The following MARCHF3 variants were observed in gnomAD, a reference collection of about 807,000 sequenced individuals.
The protein encoded by MARCHF3 is E3 ubiquitin-protein ligase MARCHF3.
In MARCHF3, 13 loss-of-function variants were observed where a neutral mutation model predicts 24.2. That is an observed-to-expected ratio of 0.54 (90% CI 0.35 to 0.85). MARCHF3 has a LOEUF of 0.85. Among genes scored for constraint, MARCHF3 ranks in the 40% least tolerant of loss-of-function variants. MARCHF3 has a pLI of 0.01. For synonymous variants in MARCHF3, 144 were observed against 137.3 expected (o/e 1.05, Z -0.34); for missense variants, 276 against 325.0 (o/e 0.85, Z 1.16).
Position 126,873,506 on chromosome 5 carries a change from T to C in MARCHF3, c.604-2715A>G, listed in dbSNP as rs573017964. 3.3e-5 allele frequency among the ~76,000 whole-genome samples: 5 copies of C among 151,998 alleles called. No homozygotes were observed. In the South Asian group the frequency reaches 1.0e-3, roughly 32 times the overall value. ...TGGACCAGCAGCAGGCTGCATCACC[T>C]GGGAGCTTGTTAGAATATCAGAATT... On this transcript the variant is annotated intron_variant, in intron 4 of 4. Transcript: ENST00000308660.
chr5:126,900,051 C>G (rs867362248), intron 3 of MARCHF3, among the ~76,000 whole-genome samples: 31 of 152,216 alleles, frequency 2.0e-4, no homozygotes, highest in Middle Eastern at 6.8e-3. Context: ...CCTCTGTGCT[C>G]CACCTTTTCA....
chr5:126,987,020 T>C (rs73786263), intron 1 of MARCHF3, among the ~76,000 whole-genome samples: 7,836 of 152,314 alleles, frequency 0.051, 371 homozygotes, highest in South Asian at 0.14. Flanking sequence ...TATATGTTGC[T>C]GTGAGGGTAT....
chr5:126,975,330 AT>A lies in MARCHF3; in HGVS notation c.-57+55019del, dbSNP rs543392590. Among the ~76,000 whole-genome samples the A allele has an allele frequency of 8.1e-4, 124 of 152,246 alleles. 1 individual carries two copies. Among genetic ancestry groups the A allele is most frequent in the Non-Finnish European group, 1.3e-3 (90 of 68,022 alleles). ...GTGTTCACATATATAGTTGAAAAAA[AT>A]TTTTTTATTAAGTTTTCTTCTCTTT... On this transcript the variant is annotated intron_variant, in intron 1 of 4. Coordinates refer to ENST00000308660, the MANE Select transcript of MARCHF3 (RefSeq NM_178450.5).
At chr5:126,888,283 T>C (rs978114978) in intron 3 of MARCHF3, among the ~76,000 whole-genome samples, 4 of 152,206 alleles carry the variant, frequency 2.6e-5, no homozygotes, top group African/African-American at 7.2e-5. Flanking sequence ...CCCTGGAGAT[T>C]TGTGATGCTC....
At chr5:126,988,253 A>G (rs1751635128) in intron 1 of MARCHF3, among the ~76,000 whole-genome samples, 2 of 152,236 alleles carry the variant, frequency 1.3e-5, no homozygotes, top group African/African-American at 4.8e-5. Flanking sequence ...CCCCCACCCA[A>G]CATCAAGGTT....
chr5:126,875,218 G>A (rs769929486), intron 4 of MARCHF3, among the ~76,000 whole-genome samples: 2 of 152,180 alleles, frequency 1.3e-5, no homozygotes, highest in Non-Finnish European at 2.9e-5. Context: ...TGAGCTCTTA[G>A]GGTGGAGCTG....
At chr5:126,989,429 T>C (rs78535906) in intron 1 of MARCHF3, among the ~76,000 whole-genome samples, 2,151 of 152,232 alleles carry the variant, frequency 0.014, 64 homozygotes, top group African/African-American at 0.049. Context: ...ATTTCTACAC[T>C]AACCACTTTG....
At chr5:126,954,537 A>C (rs149966077) in intron 1 of MARCHF3, among the ~76,000 whole-genome samples, 2 of 151,500 alleles carry the variant, frequency 1.3e-5, no homozygotes, top group East Asian at 3.9e-4. Flanking sequence ...TGCCCAGCTA[A>C]TTTTTAAATT....
At chr5:126,935,988 T>C (rs1291897062) in intron 1 of MARCHF3, among the ~76,000 whole-genome samples, 2 of 152,158 alleles carry the variant, frequency 1.3e-5, no homozygotes, top group East Asian at 3.8e-4. Flanking sequence ...AGTCATAAAG[T>C]AAAATTTAAG....
intron 1 of MARCHF3, among the ~76,000 whole-genome samples, chr5:127,015,081 C>T (rs1752596085): frequency 6.6e-6 from 1 of 152,010 alleles, no homozygotes; most frequent in Non-Finnish European, 1.5e-5. Flanking sequence ...TCACTATGTA[C>T]CCCATAAATA....
chr5:126,943,406 C>T (rs964578709), intron 1 of MARCHF3, among the ~76,000 whole-genome samples: 22 of 151,906 alleles, frequency 1.4e-4, no homozygotes, highest in African/African-American at 5.3e-4. Context: ...ACGGAGATCC[C>T]GTCTATACAA....
intron 3 of MARCHF3, among the ~76,000 whole-genome samples, chr5:126,900,926 T>G (rs1163104862): frequency 6.6e-6 from 1 of 152,022 alleles, no homozygotes; most frequent in East Asian, 1.9e-4. Context: ...GGTCTCGAAC[T>G]TCTGATCTTA....
chr5:126,906,129 CAT>C (rs140376615), intron 3 of MARCHF3, among the ~76,000 whole-genome samples: 66,944 of 148,224 alleles, frequency 0.45, 15,296 homozygotes, highest in East Asian at 0.64. Context: ...TATTGATTTG[CAT>C]ATATTGAACC....
At chr5:126,915,225 C>T in intron 2 of MARCHF3, 91 bp from the exon 3 acceptor site, 2 of 1,250,844 alleles carry the variant, frequency 1.6e-6, no homozygotes, top group Non-Finnish European at 2.2e-6. Context: ...TGGGCCCTCC[C>T]CAGAGGCAGC....
At chr5:127,015,615 C>A (rs1159763938) in intron 1 of MARCHF3, among the ~76,000 whole-genome samples, 1 of 152,146 alleles carries the variant, frequency 6.6e-6, no homozygotes, top group Non-Finnish European at 1.5e-5. Context: ...TTCTGTCAAC[C>A]CCTTCCAAAC....
At chr5:126,981,604 A>G (rs1751396417) in intron 1 of MARCHF3, among the ~76,000 whole-genome samples, 1 of 152,222 alleles carries the variant, frequency 6.6e-6, no homozygotes, top group South Asian at 2.1e-4. Context: ...AATACTAAAC[A>G]CAGTGTTCTC....
At chr5:126,889,187 G>A (rs1255278164) in intron 3 of MARCHF3, among the ~76,000 whole-genome samples, 2 of 152,124 alleles carry the variant, frequency 1.3e-5, no homozygotes, top group Non-Finnish European at 2.9e-5. Context: ...TTGGACTGCT[G>A]TTGGAGTCTG....
At chr5:126,918,253 C>T in intron 1 of MARCHF3, 26 bp from the exon 2 acceptor site, 1 of 1,432,486 alleles carries the variant, frequency 7.0e-7, no homozygotes, top group Non-Finnish European at 9.3e-7. Context: ...AAACAGTTTA[C>T]TTGGGCAGGG....
intron 1 of MARCHF3, among the ~76,000 whole-genome samples, chr5:126,962,651 A>G (rs1440505526): frequency 6.6e-6 from 1 of 152,068 alleles, no homozygotes; most frequent in African/African-American, 2.4e-5. Context: ...ATGTCAGGCT[A>G]TGTGTATAAA....
Sources: gnomAD v4.1 joint callset for allele counts (sites outside exome capture counted in the v4.1 genomes callset) on GRCh38, gnomAD v4.1.1 for gene constraint, MANE v1.5 for transcripts, NCBI Gene and HGNC (gene_info 2026-07-23, HGNC 2026-07-21) for gene names.